The following NAA60 variants were observed in gnomAD, a reference collection of about 807,000 sequenced individuals.
NAA60 encodes the protein N-alpha-acetyltransferase 60.
NAA60 carries 8 observed loss-of-function variants against 26.1 expected under a neutral mutation model. The ratio of observed to expected loss-of-function variants is 0.31; its 90% CI spans 0.18 to 0.55. The LOEUF is 0.55. NAA60 is among the 20% of genes least tolerant of loss of function. The pLI is 0.93. For synonymous variants in NAA60, 131 were observed against 122.5 expected (o/e 1.07, Z -0.46); for missense variants, 290 against 311.3 (o/e 0.93, Z 0.51).
At chr16:3,464,571 A>G (rs1255811967) in intron 2 of NAA60, among the ~76,000 whole-genome samples, 1 of 152,130 alleles carries the variant, frequency 6.6e-6, no homozygotes, top group African/African-American at 2.4e-5. Context: ...CTGTAGCCTT[A>G]AGTTTTCTCT....
At chr16:3,452,841 G>A (rs1405677676) in intron 2 of NAA60, among the ~76,000 whole-genome samples, 1 of 151,940 alleles carries the variant, frequency 6.6e-6, no homozygotes, top group Non-Finnish European at 1.5e-5. Flanking sequence ...TGTAGTCCCA[G>A]CTACTGGGGA....
rs2037149057 is a variant in NAA60, at chr16:3,486,495, CAG to C, written c.*1236_*1237del. On this transcript the variant is annotated 3_prime_UTR_variant, in exon 8 of 8. Coordinates refer to ENST00000407558, the MANE Select transcript of NAA60 (RefSeq NM_001083601.3). ...CCAGAGCTGCCCAGCCACGGGCTCTCAGGGTGCTGGGGCAGCCCCAGGTCCCC... is the reference window on the plus strand; with the variant it reads ...CCAGAGCTGCCCAGCCACGGGCTCTCGGTGCTGGGGCAGCCCCAGGTCCCC... The C allele has an allele frequency of 6.6e-6, 1 of 152,366 alleles. No homozygotes were observed. The highest frequency in any genetic ancestry group is 2.4e-5 in the African/African-American group (1 of 41,470). 9.4% of individuals were successfully genotyped at this position (152,366 alleles called of 1,614,324 possible). A position where few individuals can be genotyped will look rare whatever the true frequency, so the allele number is the denominator to read the frequency against.
rs773161851 is a variant in NAA60 at position 3,482,617 on chromosome 16, G to A, written c.337+19G>A. On this transcript the variant is annotated intron_variant, in intron 5 of 7. Transcript: ENST00000407558. Reference sequence around the variant, plus strand: ...GGCATAGGTAAGGGCAGCCGGGCCCGCGGCTTGGCGCCCACCCCACCCCCT... The same window carrying A: ...GGCATAGGTAAGGGCAGCCGGGCCCACGGCTTGGCGCCCACCCCACCCCCT... 7.2e-5 allele frequency: 112 copies of A among 1,553,986 alleles called. No homozygotes were observed. Among genetic ancestry groups the A allele is most frequent in the Admixed American group, 1.5e-4 (8 of 53,062 alleles).
In NAA60 at chr16:3,457,922, G is replaced by T. The variant is rs980585013; in HGVS notation, c.-7+9382G>T. The T allele has an allele frequency of 2.0e-5, 19 of 948,262 alleles. No homozygotes were observed. In the African/African-American group the frequency reaches 3.0e-4, roughly 15 times the overall value. The allele number at this position is 948,262 out of a possible 1,614,324, so 58.7% of individuals were successfully genotyped here. A position where few individuals can be genotyped will look rare whatever the true frequency, so the allele number is the denominator to read the frequency against. Reference sequence around the variant, plus strand: ...CACGGAGCCTGCCCGCTCCCAACCTGCCCGCTCCCAACATGGCGGCAGCGC... The same window carrying T: ...CACGGAGCCTGCCCGCTCCCAACCTTCCCGCTCCCAACATGGCGGCAGCGC... On this transcript the variant is annotated intron_variant, in intron 2 of 7. Coordinates refer to ENST00000407558, the MANE Select transcript of NAA60 (RefSeq NM_001083601.3).
chr16:3,484,910 C>A lies in NAA60; in HGVS notation c.*55C>A, dbSNP rs1489527442. ...ACCCTTCGGCCGCCCGCAGAGCCCGCCTTCCTGTCCATCTGACCCCTTCTG... is the reference window on the plus strand; with the variant it reads ...ACCCTTCGGCCGCCCGCAGAGCCCGACTTCCTGTCCATCTGACCCCTTCTG... On this transcript the variant is annotated 3_prime_UTR_variant, in exon 7 of 8. Coordinates refer to ENST00000407558, the MANE Select transcript of NAA60 (RefSeq NM_001083601.3). The A allele has an allele frequency of 1.3e-6, 2 of 1,547,484 alleles. No individual in the cohort carries two copies. Among genetic ancestry groups the A allele is most frequent in the Non-Finnish European group, 1.7e-6 (2 of 1,146,938 alleles).
chr16:3,485,116 T>C (rs4785936), intron 7 of NAA60, 55 bp downstream of exon 7: 969,650 of 1,098,130 alleles, frequency 0.88, 428,676 homozygotes, highest in African/African-American at 0.98. Context: ...GCCACAAAAG[T>C]GGAAGGCCCT....
intron 7 of NAA60, 124 bp downstream of exon 7, chr16:3,485,185 C>A: frequency 2.8e-6 from 2 of 715,906 alleles, no homozygotes; most frequent in East Asian, 5.4e-5. Context: ...GAGTCCACCA[C>A]CTTATGCACC....
In NAA60 at chr16:3,463,605, C is replaced by T. The variant is rs1338834669; in HGVS notation, c.-6-12617C>T. Among the ~76,000 whole-genome samples the T allele has an allele frequency of 2.0e-5, 3 of 150,358 alleles. No individual in the cohort carries two copies. The East Asian group carries it at 5.9e-4, about 29-fold the overall frequency. ...CTGGCGCGGATGCAGTGGCTGAGACCTGTAATCCCAGCTACTTGGGAGGCT... is the reference window on the plus strand; with the variant it reads ...CTGGCGCGGATGCAGTGGCTGAGACTTGTAATCCCAGCTACTTGGGAGGCT... On this transcript the variant is annotated intron_variant, in intron 2 of 7. Coordinates refer to ENST00000407558, the MANE Select transcript of NAA60 (RefSeq NM_001083601.3).
At chr16:3,447,629 G>T in intron 1 of NAA60, 1 of 985,406 alleles carries the variant, frequency 1.0e-6, no homozygotes, top group Non-Finnish European at 1.2e-6. Flanking sequence ...AGGTAAGCAA[G>T]ATTATCTTTC....
intron 3 of NAA60, among the ~76,000 whole-genome samples, chr16:3,477,939 C>T (rs1394542131): frequency 1.3e-5 from 2 of 152,206 alleles, no homozygotes; most frequent in Non-Finnish European, 2.9e-5. Flanking sequence ...GGTGCAGGCA[C>T]CTGTAATCCC....
intron 6 of NAA60, chr16:3,484,427 C>A (rs938154014): frequency 1.3e-5 from 7 of 532,006 alleles, no homozygotes; most frequent in Admixed American, 6.3e-5. Context: ...TTCCCCACCC[C>A]CCGTGCATCC....
At chr16:3,475,582 T>A (rs189555777) in intron 2 of NAA60, among the ~76,000 whole-genome samples, 4 of 152,224 alleles carry the variant, frequency 2.6e-5, no homozygotes, top group African/African-American at 9.6e-5. Context: ...CTTTCCTGAT[T>A]TAAAGGAGTC....
chr16:3,465,945 A>G (rs75776769), intron 2 of NAA60, among the ~76,000 whole-genome samples: 9,177 of 152,318 alleles, frequency 0.06, 361 homozygotes, highest in Middle Eastern at 0.085. Flanking sequence ...AAGGCGTGAC[A>G]GAACGTTCAA....
chr16:3,447,378 A>G (rs1272027235), intron 1 of NAA60: 10 of 649,240 alleles, frequency 1.5e-5, no homozygotes, highest in Non-Finnish European at 1.7e-5. Context: ...GCAGGCATGC[A>G]ATGTGTAATC....
At chr16:3,479,751 G>A in intron 4 of NAA60, 151 bp downstream of exon 4, 1 of 847,998 alleles carries the variant, frequency 1.2e-6, no homozygotes, top group African/African-American at 1.8e-5. Flanking sequence ...CTTGTCCCTG[G>A]CTGGTGCTTT....
intron 4 of NAA60, among the ~76,000 whole-genome samples, chr16:3,480,497 T>C (rs1437623388): frequency 1.3e-5 from 2 of 150,702 alleles, no homozygotes; most frequent in Non-Finnish European, 1.5e-5. Context: ...TTTGGGAGGC[T>C]GAGGCAGGAG....
rs547274690 is a variant in NAA60, at chr16:3,446,107, C to A, written c.-77+2270C>A. On this transcript the variant is annotated intron_variant, in intron 1 of 7. Transcript: ENST00000407558. ...TTCCATTTCTGTCTTTAACATGGTACCAGTAATAACAACTACAACCTGTTT... is the reference window on the plus strand; with the variant it reads ...TTCCATTTCTGTCTTTAACATGGTAACAGTAATAACAACTACAACCTGTTT... Among the ~76,000 whole-genome samples the A allele has an allele frequency of 3.3e-5, 5 of 152,314 alleles. No individual in the cohort carries two copies. The East Asian group carries it at 9.6e-4, about 29-fold the overall frequency.
chr16:3,480,219 C>T (rs1007711136), intron 4 of NAA60, among the ~76,000 whole-genome samples: 5 of 152,158 alleles, frequency 3.3e-5, no homozygotes, highest in African/African-American at 1.2e-4. Flanking sequence ...ATGTTTACCA[C>T]CCGAGGATTT....
At chr16:3,468,334 G>A (rs909732884) in intron 2 of NAA60, 2 of 152,248 alleles carry the variant, frequency 1.3e-5, no homozygotes, top group Non-Finnish European at 2.9e-5. Context: ...GGGATGGAAA[G>A]TTGGGGTTTT....
Sources: gnomAD v4.1 joint callset for allele counts (sites outside exome capture counted in the v4.1 genomes callset) on GRCh38, gnomAD v4.1.1 for gene constraint, MANE v1.5 for transcripts, NCBI Gene and HGNC (gene_info 2026-07-23, HGNC 2026-07-21) for gene names.